The following SPSB1 variants were observed in gnomAD, a reference collection of about 807,000 sequenced individuals.
SPSB1 encodes the protein SPRY domain-containing SOCS box protein 1.
Under a neutral mutation model 21.2 loss-of-function variants are expected in SPSB1, and 8 were observed. That is an observed-to-expected ratio of 0.38 (90% confidence interval 0.22 to 0.68). The LOEUF (loss-of-function observed/expected upper bound fraction) is 0.68, where lower values mean the gene tolerates loss of function less well. SPSB1 is among the 30% of genes least tolerant of loss of function. The pLI is 0.53. For missense variants in SPSB1, 242 were observed against 377.8 expected (o/e 0.64, Z 2.98); for synonymous variants, 169 against 161.7 (o/e 1.05, Z -0.34).
chr1:9,346,711 T>A lies in SPSB1; in HGVS notation c.-149-9032T>A, dbSNP rs1225044309. Among the ~76,000 whole-genome samples, 1 of 152,158 alleles carries A rather than the reference T, an allele frequency of 6.6e-6. No homozygotes were observed. Among genetic ancestry groups the A allele is most frequent in the Non-Finnish European group, 1.5e-5 (1 of 68,032 alleles). ...TGCCTCATTCCTCCTCACCTCCTCC[T>A]CTTCCCTGGCGTTGGTCTATCAGGG... On this transcript the variant is annotated intron_variant, in intron 1 of 2. Coordinates refer to ENST00000328089, the MANE Select transcript of SPSB1 (RefSeq NM_025106.4). The surrounding 1 kb of genome is among the most constrained non-coding windows in gnomAD (Gnocchi z 4.4).
At chr1:9,316,431 C>T (rs1264404662) in intron 1 of SPSB1, among the ~76,000 whole-genome samples, 1 of 152,170 alleles carries the variant, frequency 6.6e-6, no homozygotes, top group Non-Finnish European at 1.5e-5. Context: ...TGTGTCCCCA[C>T]ACGGGCTCAA....
intron 1 of SPSB1, among the ~76,000 whole-genome samples, chr1:9,336,645 G>A (rs1640007916): frequency 6.6e-6 from 1 of 152,230 alleles, no homozygotes; most frequent in South Asian, 2.1e-4. Context: ...GGAGGCCGCT[G>A]CCTGAGTTCA....
intron 1 of SPSB1, among the ~76,000 whole-genome samples, chr1:9,323,496 C>T (rs1168492066): frequency 1.3e-5 from 2 of 152,196 alleles, no homozygotes; most frequent in Non-Finnish European, 2.9e-5. Context: ...GGTCAGAAGT[C>T]AGTGGTGGAC....
chr1:9,365,966 G>GGTGA (rs1389268940), intron 2 of SPSB1, among the ~76,000 whole-genome samples: 1 of 152,204 alleles, frequency 6.6e-6, no homozygotes, highest in East Asian at 1.9e-4. Context: ...TGGCGAAGCG[G>GGTGA]GCGAGCAGGG....
At chr1:9,329,787 C>T (rs1363820372) in intron 1 of SPSB1, among the ~76,000 whole-genome samples, 1 of 151,160 alleles carries the variant, frequency 6.6e-6, no homozygotes, top group Non-Finnish European at 1.5e-5. Context: ...GCATCGGACA[C>T]ATGGCGGTGG....
intron 2 of SPSB1, among the ~76,000 whole-genome samples, chr1:9,361,179 T>TTTTTTTTTTTTTTTTTTTTTTTG (rs1640471518): frequency 9.5e-6 from 1 of 105,066 alleles, no homozygotes; most frequent in African/African-American, 3.9e-5. Context: ...TTTTTTTTTT[T>TTTTTTTTTTTTTTTTTTTTTTTG]TTTTAGAGAT....
intron 1 of SPSB1, among the ~76,000 whole-genome samples, chr1:9,313,478 C>T (rs1013309107): frequency 2.6e-4 from 40 of 152,190 alleles, no homozygotes; most frequent in Admixed American, 2.4e-3. Flanking sequence ...AAGCTGGACG[C>T]AGACCCAGGC....
chr1:9,313,167 C>G (rs1639551020), intron 1 of SPSB1, among the ~76,000 whole-genome samples: 1 of 152,158 alleles, frequency 6.6e-6, no homozygotes, highest in Admixed American at 6.5e-5. Flanking sequence ...GAGGCTGAGG[C>G]GGGTGGATCA....
At chr1:9,362,876 C>T (rs568832687) in intron 2 of SPSB1, among the ~76,000 whole-genome samples, 11 of 152,396 alleles carry the variant, frequency 7.2e-5, no homozygotes, top group African/African-American at 2.6e-4. Context: ...ATTGCACTCT[C>T]ATTCACAGAA....
intron 1 of SPSB1, among the ~76,000 whole-genome samples, chr1:9,313,704 T>C (rs1195664503): frequency 2.0e-5 from 3 of 152,172 alleles, no homozygotes; most frequent in Admixed American, 6.5e-5. Flanking sequence ...GAAGGTAAGA[T>C]TGAACATTCC....
At chr1:9,337,406 G>A (rs1640021034) in intron 1 of SPSB1, among the ~76,000 whole-genome samples, 1 of 151,998 alleles carries the variant, frequency 6.6e-6, no homozygotes, top group Non-Finnish European at 1.5e-5. Context: ...CTCACACCTG[G>A]CCAGCCACCT....
intron 1 of SPSB1, among the ~76,000 whole-genome samples, chr1:9,343,581 G>A (rs554455734): frequency 6.6e-6 from 1 of 152,258 alleles, no homozygotes; most frequent in South Asian, 2.1e-4. Flanking sequence ...AGTTTAAAAG[G>A]CAGGGAATTC....
At chr1:9,316,147 C>T (rs1392181097) in intron 1 of SPSB1, among the ~76,000 whole-genome samples, 1 of 152,146 alleles carries the variant, frequency 6.6e-6, no homozygotes, top group African/African-American at 2.4e-5. Context: ...TCAGCCTTGC[C>T]CTGGGCTGGC....
At chr1:9,299,382 T>C (rs1042389764) in intron 1 of SPSB1, among the ~76,000 whole-genome samples, 1 of 152,208 alleles carries the variant, frequency 6.6e-6, no homozygotes, top group South Asian at 2.1e-4. Flanking sequence ...CTCACTCCTG[T>C]AATCCTAGCA....
intron 1 of SPSB1, among the ~76,000 whole-genome samples, chr1:9,325,983 G>A (rs2100487828): frequency 6.6e-6 from 1 of 152,258 alleles, no homozygotes; most frequent in Middle Eastern, 3.4e-3. Flanking sequence ...ATGGGGGAAG[G>A]AGGTGACAGA....
At chr1:9,306,991 A>G (rs1392958954) in intron 1 of SPSB1, among the ~76,000 whole-genome samples, 1 of 149,810 alleles carries the variant, frequency 6.7e-6, no homozygotes, top group Non-Finnish European at 1.5e-5. Context: ...GCAGCGGCAC[A>G]GTCTCAGCTC....
At position 9,367,516 on chromosome 1, in the gene SPSB1, G is replaced by T; in HGVS notation, c.763G>T (p.Gly255Trp). ...CCTGGCCCTGGGGAGGGAGCGCCTG[G>T]GGGAGATCCACACGCTGCCGCTGCC... ...VRLALGRERL[G>W]EIHTLPLPAS... Residue 255 changes from glycine to tryptophan, a missense_variant, in exon 3 of 3, where the codon GGG (glycine) becomes TGG (tryptophan). Transcript: ENST00000328089. This position sits in a 1 kb window ranked among gnomAD's most constrained non-coding sequence, Gnocchi z 5.9. The T allele has an allele frequency of 3.1e-6, 5 of 1,610,800 alleles. No individual in the cohort carries two copies. The highest frequency in any genetic ancestry group is 4.2e-6 in the Non-Finnish European group (5 of 1,178,800).
Position 9,346,392 on chromosome 1 carries a change from C to T in SPSB1, c.-149-9351C>T, listed in dbSNP as rs1032384944. Among the ~76,000 whole-genome samples the T allele has an allele frequency of 2.6e-5, 4 of 152,164 alleles. No individual in the cohort carries two copies. Among genetic ancestry groups the T allele is most frequent in the Non-Finnish European group, 4.4e-5 (3 of 68,034 alleles). On this transcript the variant is annotated intron_variant, in intron 1 of 2. Coordinates refer to ENST00000328089, the MANE Select transcript of SPSB1 (RefSeq NM_025106.4). This position sits in a 1 kb window ranked among gnomAD's most constrained non-coding sequence, Gnocchi z 4.4. ...GTGAGTGTCTGCCACTCGCTGGTGA[C>T]AGACCCACCTCTGTGCATCCTTTAC...
chr1:9,355,759 C>T lies in SPSB1; in HGVS notation c.-133C>T, dbSNP rs367854687. On this transcript the variant is annotated 5_prime_UTR_variant, in exon 2 of 3. Coordinates refer to ENST00000328089, the MANE Select transcript of SPSB1 (RefSeq NM_025106.4). ...GTCCATTAGGCAATACTGAACACTG[C>T]GCAGCTTGCAGAGGTCTCCTGGCAG... 1.3e-5 allele frequency: 19 copies of T among 1,475,374 alleles called. No homozygotes were observed. The East Asian group carries it at 2.6e-4, about 20-fold the overall frequency. 91.4% of individuals were successfully genotyped at this position (1,475,374 alleles called of 1,614,324 possible). A position where few individuals can be genotyped will look rare whatever the true frequency, so the allele number is the denominator to read the frequency against.
Sources: gnomAD v4.1 joint callset for allele counts (sites outside exome capture counted in the v4.1 genomes callset) on GRCh38, gnomAD v4.1.1 for gene constraint, Gnocchi (gnomAD v3.1) non-coding constraint, MANE v1.5 for transcripts, NCBI Gene and HGNC (gene_info 2026-07-23, HGNC 2026-07-21) for gene names.